Variants in NPY2R observed in about 807,000 individuals in gnomAD.
NPY2R encodes neuropeptide Y receptor Y2.
NPY2R carries 17 observed loss-of-function variants against 22.3 expected under a neutral mutation model. That is an observed-to-expected ratio of 0.76 (90% CI 0.52 to 1.14). The LOEUF (loss-of-function observed/expected upper bound fraction) is 1.14, where lower values mean the gene tolerates loss of function less well. NPY2R is among the 50% of genes most tolerant of loss of function. The pLI, the probability that NPY2R is intolerant of heterozygous loss-of-function variation, is 0.00. For missense variants in NPY2R, 424 were observed against 467.9 expected (o/e 0.91, Z 0.87); for synonymous variants, 209 against 183.4 (o/e 1.14, Z -1.13).
chr4:155,207,307 T>A (rs1200417486), upstream of NPY2R: 1 of 152,024 alleles, frequency 6.6e-6, no homozygotes, highest in Non-Finnish European at 1.5e-5. Flanking sequence ...AGATAAATAT[T>A]TTTTTTCATT....
chr4:155,191,052 A>T, the NPY2R span, among the ~76,000 whole-genome samples: 1 of 152,030 alleles, frequency 6.6e-6, no homozygotes, highest in African/African-American at 2.4e-5. Flanking sequence ...TATCTATTTC[A>T]TTGTTTCTCA....
the NPY2R span, among the ~76,000 whole-genome samples, chr4:155,187,577 C>T: frequency 6.6e-6 from 1 of 151,816 alleles, no homozygotes; most frequent in Admixed American, 6.6e-5. Flanking sequence ...AGAGTCTTGC[C>T]CTTACACAGT....
At chr4:155,204,202 GA>G (rs58738862), upstream of NPY2R, among the ~76,000 whole-genome samples, 2,475 of 138,766 alleles carry the variant, frequency 0.018, 42 homozygotes, top group African/African-American at 0.056. Context: ...AAGGTGAGGG[GA>G]AAAAAAAAAA....
chr4:155,190,879 G>A, the NPY2R span, among the ~76,000 whole-genome samples: 2 of 151,860 alleles, frequency 1.3e-5, no homozygotes, highest in African/African-American at 2.4e-5. Context: ...CTCTCTCATT[G>A]TTACACAAAA....
the NPY2R span, among the ~76,000 whole-genome samples, chr4:155,193,307 C>A: frequency 6.6e-6 from 1 of 151,856 alleles, no homozygotes; most frequent in African/African-American, 2.4e-5. Flanking sequence ...TGCCCAGAAG[C>A]CTAATGGCTA....
At chr4:155,210,973 A>G (rs1246083864) in intron 1 of NPY2R, among the ~76,000 whole-genome samples, 1 of 120,188 alleles carries the variant, frequency 8.3e-6, no homozygotes, top group African/African-American at 3.7e-5. Flanking sequence ...ACAGGGTCTC[A>G]GGACAATTTT....
intron 1 of NPY2R, among the ~76,000 whole-genome samples, chr4:155,212,611 T>C (rs1729429539): frequency 6.6e-6 from 1 of 152,180 alleles, no homozygotes; most frequent in African/African-American, 2.4e-5. Context: ...CGATTATTTC[T>C]GTTAGGTGAA....
At chr4:155,184,692 T>G in the NPY2R span, among the ~76,000 whole-genome samples, 1 of 152,160 alleles carries the variant, frequency 6.6e-6, no homozygotes, top group East Asian at 1.9e-4. Flanking sequence ...TAGTGTTTTC[T>G]TTGTCATATC....
At chr4:155,204,572 C>A (rs1329060629), upstream of NPY2R, among the ~76,000 whole-genome samples, 1 of 152,086 alleles carries the variant, frequency 6.6e-6, no homozygotes, top group Non-Finnish European at 1.5e-5. Flanking sequence ...TATCCAAGAT[C>A]ATTTCTCACA....
intron 1 of NPY2R, among the ~76,000 whole-genome samples, chr4:155,211,668 G>T (rs1005263001): frequency 6.4e-4 from 98 of 152,264 alleles, no homozygotes; most frequent in African/African-American, 2.3e-3. Flanking sequence ...ATGTAAAAAA[G>T]GAGTAATTTA....
chr4:155,179,992 GT>G, the NPY2R span, among the ~76,000 whole-genome samples: 6 of 137,336 alleles, frequency 4.4e-5, no homozygotes, highest in African/African-American at 8.7e-5. Flanking sequence ...TGTAAACATA[GT>G]TTTTTCTATA....
the NPY2R span, among the ~76,000 whole-genome samples, chr4:155,192,319 G>A: frequency 2.6e-5 from 4 of 151,728 alleles, no homozygotes; most frequent in Admixed American, 6.6e-5. Context: ...AACTCCAAGA[G>A]GCTGGCAAAT....
chr4:155,213,759 T>C, intron 1 of NPY2R, 133 bp from the exon 2 acceptor site: 1 of 629,174 alleles, frequency 1.6e-6, no homozygotes, highest in Non-Finnish European at 2.8e-6. Context: ...TTTTAGAGAG[T>C]AGAGGATATT....
upstream of NPY2R, among the ~76,000 whole-genome samples, chr4:155,204,136 G>A (rs1443357210): frequency 1.3e-5 from 2 of 151,798 alleles, no homozygotes; most frequent in Non-Finnish European, 2.9e-5. Flanking sequence ...TGTGGCTTAA[G>A]TCAGGTTGAT....
Position 155,215,924 on chromosome 4 carries a change from T to G in NPY2R, c.*839T>G, listed in dbSNP as rs193243702. 3.0e-5 allele frequency: 5 copies of G among 167,216 alleles called. No individual in the cohort carries two copies. Among genetic ancestry groups the G allele is most frequent in the Non-Finnish European group, 1.5e-5 (1 of 68,112 alleles). 10.4% of individuals were successfully genotyped at this position (167,216 alleles called of 1,614,324 possible). Reference sequence around the variant, plus strand: ...CTTTTTGAACATGTATGATTTCTGTTGTTATTCCTATTGGAGCTAAGTTTG... The same window carrying G: ...CTTTTTGAACATGTATGATTTCTGTGGTTATTCCTATTGGAGCTAAGTTTG... On this transcript the variant is annotated 3_prime_UTR_variant, in exon 2 of 2. Transcript: ENST00000329476.
chr4:155,182,334 C>G, the NPY2R span, among the ~76,000 whole-genome samples: 1 of 152,182 alleles, frequency 6.6e-6, no homozygotes, highest in Non-Finnish European at 1.5e-5. Context: ...ATTGCACTAA[C>G]TACCCCTAAA....
upstream of NPY2R, among the ~76,000 whole-genome samples, chr4:155,205,745 C>T (rs978694127): frequency 6.6e-6 from 1 of 152,026 alleles, no homozygotes; most frequent in East Asian, 1.9e-4. Flanking sequence ...GGAGATTTGT[C>T]AGACATCAAA....
chr4:155,176,493 A>G, the NPY2R span, among the ~76,000 whole-genome samples: 3 of 152,152 alleles, frequency 2.0e-5, no homozygotes, highest in African/African-American at 7.2e-5. Flanking sequence ...GTTTGTGCCC[A>G]ATGTGTTAAA....
chr4:155,202,248 A>G, the NPY2R span, among the ~76,000 whole-genome samples: 2 of 152,168 alleles, frequency 1.3e-5, no homozygotes, highest in African/African-American at 4.8e-5. Flanking sequence ...TCCATAAAGC[A>G]TTTCTCTAAT....
Sources: gnomAD v4.1 joint callset for allele counts (sites outside exome capture counted in the v4.1 genomes callset) on GRCh38, gnomAD v4.1.1 for gene constraint, MANE v1.5 for transcripts, NCBI Gene and HGNC (gene_info 2026-07-23, HGNC 2026-07-21) for gene names.